The following ARHGAP8 variants were observed in gnomAD, a reference collection of about 807,000 sequenced individuals.
ARHGAP8 encodes the protein rho GTPase-activating protein 8.
A neutral mutation model predicts 46.1 loss-of-function variants in ARHGAP8; 62 were observed. The ratio of observed to expected loss-of-function variants is 1.34; its 90% CI spans 1.10 to 1.66. The LOEUF (loss-of-function observed/expected upper bound fraction) is 1.66, where lower values mean the gene tolerates loss of function less well. ARHGAP8 is among the 40% of genes most tolerant of loss of function. The pLI, the probability that ARHGAP8 is intolerant of heterozygous loss-of-function variation, is 0.00. For synonymous variants in ARHGAP8, 375 were observed against 243.1 expected (o/e 1.54, Z -5.05); for missense variants, 923 against 568.4 (o/e 1.62, Z -6.34).
At chr22:44,843,202 A>G (rs1339238311) in intron 7 of ARHGAP8, among the ~76,000 whole-genome samples, 1 of 152,160 alleles carries the variant, frequency 6.6e-6, no homozygotes, top group Non-Finnish European at 1.5e-5. Context: ...GAAACAATGC[A>G]TTTTGCAAGC....
intron 8 of ARHGAP8, among the ~76,000 whole-genome samples, chr22:44,846,387 G>A (rs1046862890): frequency 6.6e-6 from 1 of 152,188 alleles, no homozygotes; most frequent in Admixed American, 6.5e-5. Context: ...TGTAGGCCAG[G>A]GTGCCCAGGA....
chr22:44,768,090 C>T (rs944789362), intron 1 of ARHGAP8, among the ~76,000 whole-genome samples: 1 of 145,302 alleles, frequency 6.9e-6, no homozygotes, highest in African/African-American at 2.5e-5. Flanking sequence ...ACCTCCACCT[C>T]CCGAGTTCAA....
At chr22:44,848,665 G>T (rs147890072) in intron 9 of ARHGAP8, among the ~76,000 whole-genome samples, 1 of 152,190 alleles carries the variant, frequency 6.6e-6, no homozygotes, top group Admixed American at 6.5e-5. Flanking sequence ...CATTGTAGCC[G>T]GGAGCAACAG....
chr22:44,832,130 T>C (rs150822443), intron 7 of ARHGAP8, among the ~76,000 whole-genome samples: 10 of 152,290 alleles, frequency 6.6e-5, no homozygotes, highest in African/African-American at 2.2e-4. Context: ...TTAACTTTTT[T>C]TCAGTGGTAT....
At chr22:44,825,461 C>T (rs1265047906) in intron 6 of ARHGAP8, 22 bp from the exon 7 acceptor site, 9 of 1,600,544 alleles carry the variant, frequency 5.6e-6, no homozygotes, top group Non-Finnish European at 6.8e-6. Flanking sequence ...AGGTGAGATC[C>T]CAGCCTCTGT....
chr22:44,756,137 G>T (rs981684474), intron 1 of ARHGAP8, among the ~76,000 whole-genome samples: 1 of 152,142 alleles, frequency 6.6e-6, no homozygotes, highest in Non-Finnish European at 1.5e-5. Flanking sequence ...GACTTTGCAG[G>T]GGAGGAGAGT....
At chr22:44,837,718 GA>G (rs2147145032) in intron 7 of ARHGAP8, among the ~76,000 whole-genome samples, 1 of 152,240 alleles carries the variant, frequency 6.6e-6, no homozygotes, top group Non-Finnish European at 1.5e-5. Flanking sequence ...CAGGGGAGGA[GA>G]AACCCAAATT....
chr22:44,777,791 G>C (rs1465413370), intron 1 of ARHGAP8, among the ~76,000 whole-genome samples: 1 of 152,112 alleles, frequency 6.6e-6, no homozygotes, highest in African/African-American at 2.4e-5. Flanking sequence ...CGCCTCCCGG[G>C]CTCAAGCGGT....
chr22:44,843,539 TAA>T (rs1931785071), intron 7 of ARHGAP8, among the ~76,000 whole-genome samples: 1 of 152,184 alleles, frequency 6.6e-6, no homozygotes. Context: ...TATTATATTA[TAA>T]AGACAGGCCT....
At chr22:44,825,010 T>G (rs2147121690) in intron 6 of ARHGAP8, among the ~76,000 whole-genome samples, 3 of 151,762 alleles carry the variant, frequency 2.0e-5, no homozygotes, top group African/African-American at 7.3e-5. Flanking sequence ...ATCTGTTCAT[T>G]CATGGGTTTC....
At chr22:44,858,817 G>C (rs1034013265) in intron 10 of ARHGAP8, among the ~76,000 whole-genome samples, 3 of 151,082 alleles carry the variant, frequency 2.0e-5, no homozygotes, top group Non-Finnish European at 2.9e-5. Context: ...AAGTGTGGGC[G>C]ATTTGTGGTG....
chr22:44,796,238 C>A (rs897710400), intron 2 of ARHGAP8, among the ~76,000 whole-genome samples: 4 of 152,148 alleles, frequency 2.6e-5, no homozygotes, highest in Admixed American at 6.5e-5. Flanking sequence ...CACTGCCCGC[C>A]GTCCCTGCTT....
chr22:44,835,942 C>G (rs995324004), intron 7 of ARHGAP8, among the ~76,000 whole-genome samples: 1 of 152,166 alleles, frequency 6.6e-6, no homozygotes, highest in Non-Finnish European at 1.5e-5. Flanking sequence ...TACAATCCTT[C>G]TCTTTGCGAT....
At chr22:44,856,390 C>G (rs1037182052) in intron 10 of ARHGAP8, among the ~76,000 whole-genome samples, 2 of 151,426 alleles carry the variant, frequency 1.3e-5, no homozygotes, top group African/African-American at 4.9e-5. Flanking sequence ...TGTCCTGCCT[C>G]AGGCTCCCAA....
intron 2 of ARHGAP8, among the ~76,000 whole-genome samples, chr22:44,787,935 TTTTTTCCC>T: frequency 1.5e-5 from 2 of 136,410 alleles, no homozygotes. Flanking sequence ...TTTTTTTTTT[TTTTTTCCC>T]CCCAAATGTC....
At chr22:44,762,730 G>A (rs1925235392) in intron 1 of ARHGAP8, among the ~76,000 whole-genome samples, 1 of 151,978 alleles carries the variant, frequency 6.6e-6, no homozygotes, top group Non-Finnish European at 1.5e-5. Flanking sequence ...TTTTATTAGA[G>A]ATGAGGTCTC....
At position 44,851,327 on chromosome 22, in the gene ARHGAP8, G is replaced by A. The variant is rs1008135057; in HGVS notation, c.877+2267G>A. Among the ~76,000 whole-genome samples, 7 of 152,334 alleles carry A rather than the reference G, an allele frequency of 4.6e-5. No individual in the cohort carries two copies. In the East Asian group the frequency reaches 1.2e-3, roughly 25 times the overall value. Reference sequence around the variant, plus strand: ...TAACTTGTTATTCTGACAAAAGACAGATTCACACGAGAAAAGCATGCCAGT... The same window carrying A: ...TAACTTGTTATTCTGACAAAAGACAAATTCACACGAGAAAAGCATGCCAGT... On this transcript the variant is annotated intron_variant, in intron 10 of 11. Transcript: ENST00000356099.
chr22:44,814,649 T>G, intron 4 of ARHGAP8, 23 bp from the exon 5 acceptor site: 2 of 1,608,792 alleles, frequency 1.2e-6, no homozygotes, highest in Non-Finnish European at 1.7e-6. Context: ...CAGCCTGAAG[T>G]CATCCCCCGT....
At chr22:44,778,282 G>A (rs1383951486) in intron 1 of ARHGAP8, among the ~76,000 whole-genome samples, 1 of 151,972 alleles carries the variant, frequency 6.6e-6, no homozygotes, top group Non-Finnish European at 1.5e-5. Context: ...ACAATGTTTG[G>A]TTTTCCATTT....
Sources: gnomAD v4.1 joint callset for allele counts (sites outside exome capture counted in the v4.1 genomes callset) on GRCh38, gnomAD v4.1.1 for gene constraint, MANE v1.5 for transcripts, NCBI Gene and HGNC (gene_info 2026-07-23, HGNC 2026-07-21) for gene names.